Variants in OPCML observed in about 807,000 individuals in gnomAD.
OPCML encodes the protein opioid binding protein/cell adhesion molecule like.
OPCML carries 13 observed loss-of-function variants against 37.8 expected under a neutral mutation model. The observed-to-expected ratio is 0.34, with a 90% confidence interval of 0.22 to 0.55. The LOEUF is 0.55. Among genes scored for constraint, OPCML ranks in the 20% least tolerant of loss-of-function variants. The pLI is 0.91. For synonymous variants in OPCML, 176 were observed against 168.8 expected, an observed-to-expected ratio of 1.04 and a Z score of -0.33; for missense variants, 341 against 435.6, an observed-to-expected ratio of 0.78 and a Z score of 1.93.
At chr11:132,443,094 C>T (rs1321113275) in intron 4 of OPCML, among the ~76,000 whole-genome samples, 1 of 152,244 alleles carries the variant, frequency 6.6e-6, no homozygotes, top group Non-Finnish European at 1.5e-5. Flanking sequence ...CTGTCTAGGG[C>T]ATGGCTCTAC....
At chr11:133,224,667 A>T (rs180797090) in intron 1 of OPCML, among the ~76,000 whole-genome samples, 1 of 152,246 alleles carries the variant, frequency 6.6e-6, no homozygotes, top group Non-Finnish European at 1.5e-5. Context: ...CACTTGAGGA[A>T]GAATTGCTAT....
At chr11:133,501,922 C>T (rs1947924089) in intron 1 of OPCML, among the ~76,000 whole-genome samples, 1 of 152,052 alleles carries the variant, frequency 6.6e-6, no homozygotes. Flanking sequence ...AGGCTGTGCT[C>T]ATTCCTGCCT....
chr11:133,499,280 A>G (rs1319889531), intron 1 of OPCML, among the ~76,000 whole-genome samples: 1 of 152,222 alleles, frequency 6.6e-6, no homozygotes, highest in Non-Finnish European at 1.5e-5. Context: ...ACTAGTGGGC[A>G]TGAAAGCAAG....
intron 2 of OPCML, among the ~76,000 whole-genome samples, chr11:132,673,175 G>A (rs936827725): frequency 1.3e-5 from 2 of 152,154 alleles, no homozygotes; most frequent in African/African-American, 4.8e-5. Flanking sequence ...GAGTGGTATC[G>A]TCCTTCCTGA....
chr11:133,075,212 T>C (rs1948603689), intron 1 of OPCML, among the ~76,000 whole-genome samples: 2 of 152,198 alleles, frequency 1.3e-5, no homozygotes, highest in Admixed American at 1.3e-4. Context: ...CAGAGGTGGC[T>C]GTAGGATCAA....
chr11:133,468,544 G>A, intron 1 of OPCML, among the ~76,000 whole-genome samples: 1 of 152,218 alleles, frequency 6.6e-6, no homozygotes, highest in East Asian at 1.9e-4. Flanking sequence ...CCAGATGACT[G>A]ACTCTGATGA....
chr11:132,936,415 G>C (rs1945376234), intron 2 of OPCML, among the ~76,000 whole-genome samples: 1 of 152,120 alleles, frequency 6.6e-6, no homozygotes. Context: ...CTGTTAATAG[G>C]GATTGTAATG....
At chr11:133,152,886 T>C (rs1018163026) in intron 1 of OPCML, among the ~76,000 whole-genome samples, 1 of 152,076 alleles carries the variant, frequency 6.6e-6, no homozygotes, top group Non-Finnish European at 1.5e-5. Context: ...TTTTTTTTTT[T>C]TTATCATCAT....
chr11:133,103,152 A>G (rs1055187642), intron 1 of OPCML, among the ~76,000 whole-genome samples: 6 of 152,216 alleles, frequency 3.9e-5, no homozygotes, highest in South Asian at 2.1e-4. Context: ...CTACTTTGAG[A>G]CAGACATTTT....
rs74689552 is a variant in OPCML at position 133,508,999 on chromosome 11, A to T, written c.61+23265T>A. 4.5e-3 allele frequency among the ~76,000 whole-genome samples: 681 copies of T among 151,880 alleles called. 4 individuals carry two copies. Among genetic ancestry groups the T allele is most frequent in the African/African-American group, 0.016 (650 of 41,392 alleles). ...TCGTTTTTTTTTTTAAATTTAAATT[A>T]CTACCATTTATTGAGTGCCTATGTG... is the stretch of plus-strand genomic sequence containing the variant. On this transcript the variant is annotated intron_variant, in intron 1 of 7. Transcript: ENST00000524381.
chr11:132,738,833 G>T (rs1259588292), intron 2 of OPCML, among the ~76,000 whole-genome samples: 2 of 152,128 alleles, frequency 1.3e-5, no homozygotes, highest in Non-Finnish European at 2.9e-5. Context: ...GTAGCATGTG[G>T]TACCTTCAAC....
intron 2 of OPCML, among the ~76,000 whole-genome samples, chr11:132,684,194 A>G (rs1167634507): frequency 6.6e-6 from 1 of 152,242 alleles, no homozygotes; most frequent in African/African-American, 2.4e-5. Flanking sequence ...AATACCAATA[A>G]CAATAATAAA....
intron 1 of OPCML, among the ~76,000 whole-genome samples, chr11:133,018,959 T>C (rs1170326399): frequency 1.3e-5 from 2 of 152,212 alleles, no homozygotes; most frequent in Non-Finnish European, 2.9e-5. Context: ...TTTTCAGTTG[T>C]GGAGTGAGCT....
chr11:132,616,973 T>C (rs1425150884), intron 3 of OPCML, among the ~76,000 whole-genome samples: 3 of 152,236 alleles, frequency 2.0e-5, no homozygotes, highest in Non-Finnish European at 4.4e-5. Flanking sequence ...TTTTTAATGG[T>C]GAGCAGAGAC....
chr11:132,733,562 T>C (rs548900123), intron 2 of OPCML, among the ~76,000 whole-genome samples: 4 of 152,168 alleles, frequency 2.6e-5, no homozygotes, highest in South Asian at 2.1e-4. Context: ...TGGTCAAAGA[T>C]AGAAATAATT....
chr11:133,001,660 T>C (rs1406631090), intron 1 of OPCML, among the ~76,000 whole-genome samples: 1 of 152,212 alleles, frequency 6.6e-6, no homozygotes, highest in Non-Finnish European at 1.5e-5. Context: ...CCATCTGGAG[T>C]ACCAGCCTTC....
intron 4 of OPCML, among the ~76,000 whole-genome samples, chr11:132,493,364 G>A (rs946052844): frequency 2.0e-5 from 3 of 152,180 alleles, no homozygotes; most frequent in African/African-American, 7.2e-5. Context: ...TCCAGACAAG[G>A]AGGATATGTG....
intron 2 of OPCML, among the ~76,000 whole-genome samples, chr11:132,726,105 G>A (rs1944870769): frequency 6.6e-6 from 1 of 152,148 alleles, no homozygotes; most frequent in Admixed American, 6.5e-5. Flanking sequence ...ATGTTACCCA[G>A]TTCCAAAGTT....
At chr11:132,540,088 A>AGTT (rs922478441) in intron 3 of OPCML, among the ~76,000 whole-genome samples, 1 of 152,178 alleles carries the variant, frequency 6.6e-6, no homozygotes, top group African/African-American at 2.4e-5. Flanking sequence ...CTGGCTAGGG[A>AGTT]GTTGTCCAAA....
Sources: allele counts gnomAD v4.1 joint callset (sites outside exome capture counted in the v4.1 genomes callset), GRCh38; gene constraint gnomAD v4.1.1; transcripts MANE v1.5; gene names NCBI Gene and HGNC (gene_info 2026-07-23, HGNC 2026-07-21).